USP34: variants seen among roughly 807,000 people sequenced by gnomAD.
USP34 encodes ubiquitin specific peptidase 34, also known as ubiquitin carboxyl-terminal hydrolase 34.
USP34 carries 70 observed loss-of-function variants against 460.3 expected under a neutral mutation model. The ratio of observed to expected loss-of-function variants is 0.15; its 90% confidence interval spans 0.13 to 0.19. USP34 has a LOEUF of 0.19. Ranked by LOEUF, USP34 falls within the 10% of genes least tolerant of loss-of-function variation. USP34 has a pLI of 1.00. For missense variants in USP34, 3,985 were observed against 4,236.2 expected (o/e 0.94, Z 1.65); for synonymous variants, 1,647 against 1,405.3 (o/e 1.17, Z -3.85).
At position 61,383,251 on chromosome 2, in the gene USP34, G is replaced by T. The variant is rs750485702; in HGVS notation, c.821+18C>A. ...TATTACACTGATAATCGGGGGTAAAGAAATTTTATAAACTTACCTAATAAC... is the reference window on the plus strand; with the variant it reads ...TATTACACTGATAATCGGGGGTAAATAAATTTTATAAACTTACCTAATAAC... On this transcript the variant is annotated intron_variant, in intron 6 of 79. Coordinates refer to ENST00000398571, the MANE Select transcript of USP34 (RefSeq NM_014709.4). The T allele has an allele frequency of 7.6e-6, 12 of 1,570,980 alleles. No individual in the cohort carries two copies. The highest frequency in any genetic ancestry group is 2.7e-5 in the African/African-American group (2 of 72,888).
chr2:61,429,645 A>T (rs1694610213), intron 1 of USP34, among the ~76,000 whole-genome samples: 1 of 152,192 alleles, frequency 6.6e-6, no homozygotes, highest in African/African-American at 2.4e-5. Flanking sequence ...TATATATGCC[A>T]ACATACGGAA....
chr2:61,448,801 A>C (rs1035025897), intron 1 of USP34, among the ~76,000 whole-genome samples: 2 of 152,214 alleles, frequency 1.3e-5, no homozygotes, highest in African/African-American at 4.8e-5. Context: ...ACAATTTTAC[A>C]ATAGCATCAG....
intron 43 of USP34, 98 bp from the exon 44 acceptor site, chr2:61,259,874 T>G (rs914239238): frequency 4.8e-6 from 5 of 1,041,906 alleles, no homozygotes; most frequent in Non-Finnish European, 6.9e-6. Flanking sequence ...CTGTATCTGT[T>G]TTCATTCTTT....
At chr2:61,266,827 G>A (rs1689061326) in intron 41 of USP34, among the ~76,000 whole-genome samples, 1 of 152,186 alleles carries the variant, frequency 6.6e-6, no homozygotes, top group South Asian at 2.1e-4. Flanking sequence ...GCTGACCTTT[G>A]CCTACAGTCT....
chr2:61,188,972 C>T lies in USP34; in HGVS notation c.9971G>A (p.Arg3324Lys). 3 of 1,614,172 alleles carry T rather than the reference C, an allele frequency of 1.9e-6. No homozygotes were observed. The highest frequency in any genetic ancestry group is 2.5e-6 in the Non-Finnish European group (3 of 1,180,042). ...TGAGTTTCTCTGTTGCAGACAAGTC[C>T]TGCATTTGCTTAAAAGCTCTTGCAG... ...PTLQELLSKC[R>K]TCLQQRNSLQ... Residue 3324 changes from arginine (R) to lysine (K), a missense_variant, in exon 79 of 80, where the codon AGG becomes AAG. Physicochemically the swap from Arg to Lys is conservative, Grantham distance 26 (BLOSUM62 2). Transcript: ENST00000398571.
intron 74 of USP34, 74 bp from the exon 75 acceptor site, chr2:61,203,337 A>C (rs1687027529): frequency 7.6e-7 from 1 of 1,315,254 alleles, no homozygotes; most frequent in Non-Finnish European, 9.8e-7. Context: ...AAATGTAATA[A>C]GTTTAACTAA....
intron 75 of USP34, among the ~76,000 whole-genome samples, chr2:61,193,593 C>T (rs758694434): frequency 6.6e-6 from 1 of 152,096 alleles, no homozygotes; most frequent in African/African-American, 2.4e-5. Flanking sequence ...CTTGACTATT[C>T]CAGATGTAAA....
intron 2 of USP34, among the ~76,000 whole-genome samples, chr2:61,409,973 A>C (rs1693992267): frequency 6.6e-6 from 1 of 152,188 alleles, no homozygotes; most frequent in Admixed American, 6.5e-5. Flanking sequence ...TTATTCTATT[A>C]CATTCAATTC....
At chr2:61,393,115 T>G (rs1215598999) in intron 5 of USP34, among the ~76,000 whole-genome samples, 1 of 152,168 alleles carries the variant, frequency 6.6e-6, no homozygotes, top group Admixed American at 6.5e-5. Context: ...ATCATCATCA[T>G]TCCCATTTTG....
chr2:61,211,265 C>G (rs1194591521), intron 69 of USP34, among the ~76,000 whole-genome samples: 1 of 152,124 alleles, frequency 6.6e-6, no homozygotes, highest in Non-Finnish European at 1.5e-5. Flanking sequence ...CTTTATTTCT[C>G]TAGGTTAAGG....
At chr2:61,361,057 G>C (rs1390674683) in intron 10 of USP34, among the ~76,000 whole-genome samples, 1 of 152,148 alleles carries the variant, frequency 6.6e-6, no homozygotes, top group Admixed American at 6.5e-5. Context: ...TCTTGAGTAA[G>C]AATAGAGTTG....
chr2:61,258,045 T>C (rs941732072), intron 44 of USP34, among the ~76,000 whole-genome samples: 8 of 152,082 alleles, frequency 5.3e-5, no homozygotes, highest in Admixed American at 5.2e-4. Context: ...CAAATGGCAC[T>C]TGCAGCTCTG....
At chr2:61,315,878 T>C (rs1558526180) in intron 23 of USP34, among the ~76,000 whole-genome samples, 2 of 152,058 alleles carry the variant, frequency 1.3e-5, no homozygotes, top group Non-Finnish European at 2.9e-5. Context: ...CACGACTACT[T>C]CAGTTGTCTG....
intron 71 of USP34, 24 bp downstream of exon 71, chr2:61,206,736 C>T (rs763368803): frequency 1.9e-6 from 3 of 1,609,166 alleles, no homozygotes; most frequent in Non-Finnish European, 2.5e-6. Flanking sequence ...ACGAACAAAA[C>T]ATAAGAAGTA....
intron 5 of USP34, among the ~76,000 whole-genome samples, chr2:61,389,290 G>C (rs2103887405): frequency 6.6e-6 from 1 of 152,218 alleles, no homozygotes; most frequent in East Asian, 1.9e-4. Flanking sequence ...TATTTGCTTT[G>C]ATAAATCACT....
chr2:61,351,975 A>C (rs1014311344), intron 10 of USP34, among the ~76,000 whole-genome samples: 3 of 152,224 alleles, frequency 2.0e-5, no homozygotes, highest in African/African-American at 7.2e-5. Context: ...ATAACATTAC[A>C]GATTAAAATA....
At chr2:61,209,173 C>A (rs1336574887) in intron 69 of USP34, among the ~76,000 whole-genome samples, 196 bp from the exon 70 acceptor site, 2 of 152,132 alleles carry the variant, frequency 1.3e-5, no homozygotes, top group African/African-American at 4.8e-5. Flanking sequence ...AAAAAAAAGT[C>A]TATTAATATC....
intron 69 of USP34, among the ~76,000 whole-genome samples, chr2:61,210,699 G>A (rs1449271088): frequency 6.6e-6 from 1 of 151,982 alleles, no homozygotes; most frequent in South Asian, 2.1e-4. Context: ...TTTTCAAGAA[G>A]AGTTAAGAAA....
chr2:61,223,573 CTTTT>C (rs569962717), intron 62 of USP34: 10 of 230,514 alleles, frequency 4.3e-5, no homozygotes, highest in South Asian at 2.9e-4. Flanking sequence ...ATTTTACTTA[CTTTT>C]TTTTTTTTTT....
Sources: gnomAD v4.1 joint callset for allele counts (sites outside exome capture counted in the v4.1 genomes callset) on GRCh38, gnomAD v4.1.1 for gene constraint, MANE v1.5 for transcripts, NCBI Gene and HGNC (gene_info 2026-07-23, HGNC 2026-07-21) for gene names.